The following CCDC50 variants were observed in gnomAD, a reference collection of about 807,000 sequenced individuals.
CCDC50 encodes the protein coiled-coil domain containing 50.
CCDC50 carries 54 observed loss-of-function variants against 70.2 expected under a neutral mutation model. The ratio of observed to expected loss-of-function variants is 0.77; its 90% CI spans 0.62 to 0.96. The LOEUF (loss-of-function observed/expected upper bound fraction) is 0.96, where lower values mean the gene tolerates loss of function less well. Among genes scored for constraint, CCDC50 ranks in the 50% least tolerant of loss-of-function variants. The pLI, the probability that CCDC50 is intolerant of heterozygous loss-of-function variation, is 0.00. For synonymous variants in CCDC50, 216 were observed against 198.8 expected (o/e 1.09, Z -0.73); for missense variants, 558 against 578.7 (o/e 0.96, Z 0.37).
At chr3:191,368,064 A>G (rs1037119086) in intron 4 of CCDC50, among the ~76,000 whole-genome samples, 12 of 151,968 alleles carry the variant, frequency 7.9e-5, no homozygotes, top group African/African-American at 2.9e-4. Context: ...TTTTTTTAAG[A>G]TTGAATAGTT....
intron 10 of CCDC50, among the ~76,000 whole-genome samples, chr3:191,386,701 A>G (rs1309680662): frequency 6.6e-6 from 1 of 152,204 alleles, no homozygotes; most frequent in Admixed American, 6.5e-5. Context: ...CAAGCTGAGA[A>G]TCAAATCAAG....
At chr3:191,349,966 A>ACAC (rs1712049355) in intron 1 of CCDC50, among the ~76,000 whole-genome samples, 5 of 105,686 alleles carry the variant, frequency 4.7e-5, no homozygotes, top group Non-Finnish European at 8.6e-5. Flanking sequence ...ATTTAATAAT[A>ACAC]CCCCCCCCCT....
At chr3:191,373,381 G>A (rs1003507065) in intron 5 of CCDC50, among the ~76,000 whole-genome samples, 1 of 152,076 alleles carries the variant, frequency 6.6e-6, no homozygotes, top group African/African-American at 2.4e-5. Flanking sequence ...TTTCCTAAAA[G>A]TAAAACTATG....
intron 6 of CCDC50, among the ~76,000 whole-genome samples, chr3:191,377,589 AT>A (rs1713160530): frequency 6.6e-6 from 1 of 152,174 alleles, no homozygotes; most frequent in Non-Finnish European, 1.5e-5. Flanking sequence ...TCTGCTGTGA[AT>A]TGTTAGTCAG....
chr3:191,380,363 T>A, intron 7 of CCDC50, 89 bp downstream of exon 7: 1 of 839,288 alleles, frequency 1.2e-6, no homozygotes, highest in Non-Finnish European at 2.0e-6. Context: ...TTAATAGTCC[T>A]CTATCAATTG....
At chr3:191,335,166 GT>G (rs1718100190) in intron 1 of CCDC50, among the ~76,000 whole-genome samples, 1 of 152,152 alleles carries the variant, frequency 6.6e-6, no homozygotes, top group Non-Finnish European at 1.5e-5. Context: ...AAACATGTGA[GT>G]TTCATTCATA....
chr3:191,336,096 T>C (rs1018821215), intron 1 of CCDC50, among the ~76,000 whole-genome samples: 1 of 151,914 alleles, frequency 6.6e-6, no homozygotes, highest in African/African-American at 2.4e-5. Context: ...TTTTGGTGGG[T>C]GACAGTAAAG....
rs1233058617 is a variant in CCDC50 at position 191,352,355 on chromosome 3, G to A, written c.50-4733G>A. Among the ~76,000 whole-genome samples, 3 of 141,388 alleles carry A rather than the reference G, an allele frequency of 2.1e-5. No individual in the cohort carries two copies. The Admixed American group carries it at 2.2e-4, about 10-fold the overall frequency. The allele number at this position is 141,388 out of a possible 152,430, so 92.8% of individuals were successfully genotyped here. On this transcript the variant is annotated intron_variant, in intron 1 of 11. Transcript: ENST00000392455. ...CATTCTTTAAGGAAATGGATGGGGG[G>A]TATATATATGTATGTATTTATGTAT...
intron 11 of CCDC50, 43 bp downstream of exon 11, chr3:191,389,645 T>G: frequency 7.1e-7 from 1 of 1,415,960 alleles, no homozygotes; most frequent in East Asian, 2.3e-5. Context: ...CTTCTTTTTT[T>G]ATATAAGCCT....
Position 191,329,674 on chromosome 3 carries a change from T to A in CCDC50, c.-1T>A. The stretch of plus-strand genomic sequence containing the variant: ...AGGGGCAACCGGGACCCTGGCCCGG[T>A]ATGGCTGAAGTCAGCATCGACCAGT... On this transcript the variant is annotated 5_prime_UTR_variant, in exon 1 of 12. Coordinates refer to ENST00000392455, the MANE Select transcript of CCDC50 (RefSeq NM_178335.3). The A allele has an allele frequency of 6.2e-7, 1 of 1,608,962 alleles. No individual in the cohort carries two copies. Among genetic ancestry groups the A allele is most frequent in the Non-Finnish European group, 8.5e-7 (1 of 1,178,226 alleles).
chr3:191,344,845 C>T (rs1711855685), intron 1 of CCDC50, among the ~76,000 whole-genome samples: 1 of 152,226 alleles, frequency 6.6e-6, no homozygotes, highest in African/African-American at 2.4e-5. Context: ...TCCCAAAGTG[C>T]TGGGATTACA....
At chr3:191,331,138 G>A (rs1717969277) in intron 1 of CCDC50, among the ~76,000 whole-genome samples, 1 of 152,128 alleles carries the variant, frequency 6.6e-6, no homozygotes, top group South Asian at 2.1e-4. Flanking sequence ...AGGGTTTTTT[G>A]TGTGGGTATG....
At chr3:191,379,068 G>A (rs1236135745) in intron 6 of CCDC50, among the ~76,000 whole-genome samples, 7 of 152,064 alleles carry the variant, frequency 4.6e-5, no homozygotes, top group African/African-American at 1.7e-4. Context: ...GTCAAGTGTG[G>A]TGAGGGATTT....
At chr3:191,377,512 C>A (rs138819423) in intron 6 of CCDC50, among the ~76,000 whole-genome samples, 40 of 152,244 alleles carry the variant, frequency 2.6e-4, no homozygotes, top group African/African-American at 9.1e-4. Context: ...ACTATAAATT[C>A]TTAATGGCTC....
chr3:191,331,487 T>G (rs1717982976), intron 1 of CCDC50, among the ~76,000 whole-genome samples: 1 of 152,246 alleles, frequency 6.6e-6, no homozygotes, highest in African/African-American at 2.4e-5. Flanking sequence ...GCTTTCATTT[T>G]GCGTAATACG....
intron 1 of CCDC50, among the ~76,000 whole-genome samples, chr3:191,339,482 CT>C (rs1711649313): frequency 6.6e-6 from 1 of 152,156 alleles, no homozygotes; most frequent in Non-Finnish European, 1.5e-5. Context: ...CAGGCTGCCC[CT>C]GATTTTCTTT....
At position 191,369,762 on chromosome 3, in the gene CCDC50, G is replaced by A. The variant is rs697905; in HGVS notation, c.331-157G>A. ...GATCATGTGCTACTCCTGTTAAGCA[G>A]TCATCTGGCATTTGAAGACATGAAA... On this transcript the variant is annotated intron_variant, in intron 4 of 11. Coordinates refer to ENST00000392455, the MANE Select transcript of CCDC50 (RefSeq NM_178335.3). Among the ~76,000 whole-genome samples the A allele has an allele frequency of 0.64, 96,849 of 152,022 alleles. 32,387 individuals carry two copies. The highest frequency in any genetic ancestry group is 0.92 in the East Asian group (4,751 of 5,176).
intron 4 of CCDC50, among the ~76,000 whole-genome samples, chr3:191,364,046 T>C (rs1712587776): frequency 6.6e-6 from 1 of 152,010 alleles, no homozygotes; most frequent in African/African-American, 2.4e-5. Context: ...AAAGAATTGC[T>C]TGTGACTAAT....
intron 1 of CCDC50, among the ~76,000 whole-genome samples, chr3:191,333,878 T>C (rs1051190284): frequency 9.9e-5 from 15 of 152,162 alleles, no homozygotes; most frequent in Non-Finnish European, 1.6e-4. Context: ...TTTTTTCTAA[T>C]TTTTTATAGG....
Sources: gnomAD v4.1 joint callset for allele counts (sites outside exome capture counted in the v4.1 genomes callset) on GRCh38, gnomAD v4.1.1 for gene constraint, MANE v1.5 for transcripts, NCBI Gene and HGNC (gene_info 2026-07-23, HGNC 2026-07-21) for gene names.